STPG2: variants seen among roughly 807,000 people sequenced by gnomAD.
The protein encoded by STPG2 is sperm tail PG-rich repeat containing 2, also known as sperm-tail PG-rich repeat-containing protein 2.
STPG2 carries 56 observed loss-of-function variants against 54.2 expected under a neutral mutation model. The observed-to-expected ratio is 1.03, with a 90% confidence interval of 0.83 to 1.29. STPG2 has a LOEUF of 1.29. STPG2 is among the 50% of genes most tolerant of loss of function. The pLI, the probability that STPG2 is intolerant of heterozygous loss-of-function variation, is 0.00. For missense variants in STPG2, 596 were observed against 544.9 expected (o/e 1.09, Z -0.93); for synonymous variants, 200 against 181.8 (o/e 1.10, Z -0.81).
intron 9 of STPG2, among the ~76,000 whole-genome samples, chr4:97,781,440 T>C (rs1414183370): frequency 2.0e-5 from 3 of 152,280 alleles, no homozygotes; most frequent in South Asian, 4.1e-4. Flanking sequence ...CAATAATTAA[T>C]AGCCTACCAA....
chr4:98,055,521 C>T (rs1476513476), intron 5 of STPG2, among the ~76,000 whole-genome samples: 2 of 152,136 alleles, frequency 1.3e-5, no homozygotes, highest in African/African-American at 4.8e-5. Flanking sequence ...CAAGGAGCAA[C>T]CCACTCTCAC....
intron 9 of STPG2, among the ~76,000 whole-genome samples, chr4:97,776,322 C>T (rs1726374458): frequency 6.6e-6 from 1 of 152,092 alleles, no homozygotes; most frequent in Non-Finnish European, 1.5e-5. Context: ...TGGGTAATAA[C>T]TTTGCCCATG....
At chr4:98,131,190 G>A (rs888300383) in intron 2 of STPG2, among the ~76,000 whole-genome samples, 1 of 151,918 alleles carries the variant, frequency 6.6e-6, no homozygotes, top group African/African-American at 2.4e-5. Context: ...CCTTCTTCAA[G>A]ATCAGGTCCA....
chr4:97,680,553 T>C (rs1723001239), intron 10 of STPG2, among the ~76,000 whole-genome samples: 2 of 152,126 alleles, frequency 1.3e-5, no homozygotes, highest in Non-Finnish European at 2.9e-5. Context: ...GTTTTCTAGA[T>C]ATACAATCAT....
intron 4 of STPG2, among the ~76,000 whole-genome samples, chr4:97,442,678 C>G (rs1019997906): frequency 1.3e-5 from 2 of 152,068 alleles, no homozygotes; most frequent in Non-Finnish European, 2.9e-5. Context: ...TGGAAGTGAG[C>G]ATGCCTGGAA....
At chr4:98,112,306 T>A (rs1278876568) in intron 3 of STPG2, among the ~76,000 whole-genome samples, 1 of 152,140 alleles carries the variant, frequency 6.6e-6, no homozygotes, top group Admixed American at 6.6e-5. Flanking sequence ...ATCTTTGTAA[T>A]CTGTACCAGA....
intron 9 of STPG2, among the ~76,000 whole-genome samples, chr4:97,725,692 A>G (rs1724601535): frequency 6.6e-6 from 1 of 151,744 alleles, no homozygotes; most frequent in African/African-American, 2.4e-5. Context: ...ACCAAAATCC[A>G]TGTTTCCAGA....
At chr4:97,862,929 T>C (rs1036986856) in intron 8 of STPG2, among the ~76,000 whole-genome samples, 1 of 152,130 alleles carries the variant, frequency 6.6e-6, no homozygotes, top group African/African-American at 2.4e-5. Context: ...CCAGAATCTC[T>C]GGGACACATT....
chr4:97,972,797 T>C (rs1295032160), intron 6 of STPG2, among the ~76,000 whole-genome samples: 1 of 152,126 alleles, frequency 6.6e-6, no homozygotes, highest in African/African-American at 2.4e-5. Flanking sequence ...CGAGATCTGA[T>C]GGTTTTAAAA....
intron 10 of STPG2, among the ~76,000 whole-genome samples, chr4:97,661,785 A>C (rs1722383066): frequency 1.3e-5 from 2 of 152,122 alleles, no homozygotes; most frequent in Admixed American, 6.5e-5. Flanking sequence ...TCCACACTTT[A>C]CTTTTCCCAA....
At chr4:97,742,819 A>G (rs1240416301) in intron 9 of STPG2, among the ~76,000 whole-genome samples, 1 of 151,632 alleles carries the variant, frequency 6.6e-6, no homozygotes, top group Non-Finnish European at 1.5e-5. Flanking sequence ...TAGGATGAAG[A>G]CTTCTAGAGA....
intron 5 of STPG2, among the ~76,000 whole-genome samples, chr4:98,091,921 G>A (rs1738705320): frequency 6.6e-6 from 1 of 151,982 alleles, no homozygotes; most frequent in Non-Finnish European, 1.5e-5. Context: ...GAAATTGAAT[G>A]CAGTGTGATT....
chr4:97,937,787 A>C (rs1417716150), intron 8 of STPG2, among the ~76,000 whole-genome samples: 4 of 152,140 alleles, frequency 2.6e-5, no homozygotes, highest in African/African-American at 4.8e-5. Context: ...CTCGAGGGGC[A>C]CCAACCTAAT....
At position 97,920,856 on chromosome 4, in the gene STPG2, CTTTT is replaced by C. The variant is rs1289922465; in HGVS notation, c.1044+23037_1044+23040del. Among the ~76,000 whole-genome samples the C allele has an allele frequency of 4.5e-4, 69 of 152,204 alleles. 1 individual carries two copies. The highest frequency in any genetic ancestry group is 1.6e-3 in the African/African-American group (65 of 41,526). On this transcript the variant is annotated intron_variant, in intron 8 of 10. Coordinates refer to ENST00000295268, the MANE Select transcript of STPG2 (RefSeq NM_174952.3). ...TTTTTCATCTTTCCTCTTATCCCTCCTTTTTTTATTTTCTAAAAGTCTTACAAGA... is the reference window on the plus strand; with the variant it reads ...TTTTTCATCTTTCCTCTTATCCCTCCTTTATTTTCTAAAAGTCTTACAAGA...
chr4:97,796,060 T>A (rs1727164929), intron 9 of STPG2, among the ~76,000 whole-genome samples: 1 of 152,222 alleles, frequency 6.6e-6, no homozygotes, highest in African/African-American at 2.4e-5. Context: ...TGTTTTTTTC[T>A]TGTAAATTTG....
chr4:97,476,622 T>C (rs1730078823), intron 4 of STPG2, among the ~76,000 whole-genome samples: 1 of 152,196 alleles, frequency 6.6e-6, no homozygotes, highest in Non-Finnish European at 1.5e-5. Context: ...TGTTTTAACA[T>C]TTAATATTAT....
intron 8 of STPG2, among the ~76,000 whole-genome samples, chr4:97,931,402 G>T (rs1025489338): frequency 6.6e-6 from 1 of 152,132 alleles, no homozygotes; most frequent in African/African-American, 2.4e-5. Context: ...CAGGCATGTT[G>T]AATTTTATCA....
At chr4:97,819,403 T>C (rs1450251555) in intron 9 of STPG2, among the ~76,000 whole-genome samples, 2 of 152,116 alleles carry the variant, frequency 1.3e-5, no homozygotes, top group African/African-American at 4.8e-5. Flanking sequence ...CAAAACTACC[T>C]TCATGAGATA....
chr4:97,681,257 T>C (rs1299236481), intron 10 of STPG2, among the ~76,000 whole-genome samples: 3 of 151,896 alleles, frequency 2.0e-5, no homozygotes, highest in Admixed American at 6.6e-5. Context: ...TTGAAATTAG[T>C]AGTAACTCTG....
Sources: gnomAD v4.1 joint callset for allele counts (sites outside exome capture counted in the v4.1 genomes callset) on GRCh38, gnomAD v4.1.1 for gene constraint, MANE v1.5 for transcripts, NCBI Gene and HGNC (gene_info 2026-07-23, HGNC 2026-07-21) for gene names.